GARRE1: variants seen among roughly 807,000 people sequenced by gnomAD.
GARRE1 encodes the protein granule associated Rac and RHOG effector 1.
A neutral mutation model predicts 103.2 loss-of-function variants in GARRE1; 49 were observed. The ratio of observed to expected loss-of-function variants is 0.47; its 90% CI spans 0.38 to 0.60. The LOEUF (loss-of-function observed/expected upper bound fraction) is 0.60. Among genes scored for constraint, GARRE1 ranks in the 20% least tolerant of loss-of-function variants. GARRE1 has a pLI of 0.00. For synonymous variants in GARRE1, 505 were observed against 532.8 expected, an observed-to-expected ratio of 0.95 and a Z score of 0.72; for missense variants, 1,199 against 1,370.5, an observed-to-expected ratio of 0.87 and a Z score of 1.98.
intron 1 of GARRE1, among the ~76,000 whole-genome samples, chr19:34,280,359 T>A (rs1175732258): frequency 4.6e-5 from 7 of 152,238 alleles, no homozygotes; most frequent in Non-Finnish European, 1.0e-4. Context: ...GCTTATTAGC[T>A]GTTCGCATAT....
intron 1 of GARRE1, among the ~76,000 whole-genome samples, chr19:34,260,299 G>A (rs866711472): frequency 3.3e-5 from 5 of 152,148 alleles, no homozygotes; most frequent in South Asian, 2.1e-4. Context: ...GTGACAATGC[G>A]ATTGCATACT....
Position 34,333,768 on chromosome 19 carries a change from G to A in GARRE1, c.1328G>A (p.Gly443Asp). 1 of 1,610,418 alleles carries A rather than the reference G, an allele frequency of 6.2e-7. No individual in the cohort carries two copies. The highest frequency in any genetic ancestry group is 8.5e-7 in the Non-Finnish European group (1 of 1,177,588). Residue 443 changes from glycine (G) to aspartate (D), a missense_variant, in exon 8 of 14, where the codon GGC becomes GAC. By Grantham distance (94) the Gly-to-Asp change is moderately conservative (BLOSUM62 -1). Transcript: ENST00000299505. ...EAYAPQISLE[G>D]SRIVVQVPST... The stretch of plus-strand genomic sequence containing the variant: ...TATGCCCCCCAGATCAGTTTAGAAG[G>A]CTCTAGAATCGTGGTTCAAGTCCCA...
intron 10 of GARRE1, among the ~76,000 whole-genome samples, chr19:34,345,532 A>G (rs945351697): frequency 6.6e-6 from 1 of 152,144 alleles, no homozygotes; most frequent in Admixed American, 6.6e-5. Flanking sequence ...ATTGTGTCAT[A>G]TTTGAGGCCG....
At chr19:34,303,394 G>A (rs1400437055) in intron 2 of GARRE1, among the ~76,000 whole-genome samples, 1 of 152,152 alleles carries the variant, frequency 6.6e-6, no homozygotes, top group African/African-American at 2.4e-5. Context: ...AACTAACACT[G>A]CTTTGGGTTA....
At chr19:34,260,198 C>G (rs2073707773) in intron 1 of GARRE1, among the ~76,000 whole-genome samples, 1 of 152,202 alleles carries the variant, frequency 6.6e-6, no homozygotes, top group Non-Finnish European at 1.5e-5. Context: ...CCTCTGCCAA[C>G]AAAAAGTTTA....
At chr19:34,274,392 C>T (rs1033716978) in intron 1 of GARRE1, among the ~76,000 whole-genome samples, 7 of 151,574 alleles carry the variant, frequency 4.6e-5, no homozygotes, top group East Asian at 3.9e-4. Flanking sequence ...GCAACTAGAG[C>T]GAAACTCCGT....
chr19:34,354,099 T>A lies in GARRE1; in HGVS notation c.*1144T>A, dbSNP rs1179115238. The A allele has an allele frequency of 6.6e-6, 1 of 152,586 alleles. No individual in the cohort carries two copies. Among genetic ancestry groups the A allele is most frequent in the African/African-American group, 2.4e-5 (1 of 41,448 alleles). The allele number at this position is 152,586 out of a possible 1,614,324, so 9.5% of individuals were successfully genotyped here. A position where few individuals can be genotyped will look rare whatever the true frequency, so the allele number is the denominator to read the frequency against. ...TAGACATATCCCACTGTATATTAAT[T>A]GAGGTTACAGAAAGTTCTTTATATA... On this transcript the variant is annotated 3_prime_UTR_variant, in exon 14 of 14. Coordinates refer to ENST00000299505, the MANE Select transcript of GARRE1 (RefSeq NM_014686.5).
intron 2 of GARRE1, among the ~76,000 whole-genome samples, chr19:34,308,845 G>T (rs889805651): frequency 1.3e-5 from 2 of 152,138 alleles, no homozygotes; most frequent in Non-Finnish European, 2.9e-5. Context: ...TCTCCACTTT[G>T]CAGACTGTGA....
At chr19:34,342,578 C>T in intron 10 of GARRE1, 123 bp downstream of exon 10, 1 of 879,308 alleles carries the variant, frequency 1.1e-6, no homozygotes. Context: ...CCCTTTACGA[C>T]CCTTTCTCAC....
chr19:34,296,400 C>A (rs2073947823), intron 1 of GARRE1: 2 of 1,532,022 alleles, frequency 1.3e-6, no homozygotes, highest in East Asian at 2.2e-5. Context: ...CAGCCTGAGT[C>A]CCTTGGCAGT....
chr19:34,270,958 G>T (rs1313218761), intron 1 of GARRE1, among the ~76,000 whole-genome samples: 1 of 152,108 alleles, frequency 6.6e-6, no homozygotes, highest in African/African-American at 2.4e-5. Context: ...ACTTGCCCAG[G>T]GTGACAACCA....
intron 2 of GARRE1, among the ~76,000 whole-genome samples, chr19:34,306,007 C>G (rs559381403): frequency 6.6e-6 from 1 of 152,164 alleles, no homozygotes. Context: ...GCAGACTTCA[C>G]GTTTCACTTT....
intron 1 of GARRE1, among the ~76,000 whole-genome samples, chr19:34,271,223 A>G (rs1406088372): frequency 6.7e-6 from 1 of 148,300 alleles, no homozygotes; most frequent in Non-Finnish European, 1.5e-5. Flanking sequence ...GCTAGTGTTC[A>G]GGTATACCTT....
chr19:34,345,081 G>A lies in GARRE1; in HGVS notation c.2521+2626G>A, dbSNP rs530555107. Among the ~76,000 whole-genome samples the A allele has an allele frequency of 4.6e-5, 7 of 152,102 alleles. No homozygotes were observed. The South Asian group carries it at 1.5e-3, about 32-fold the overall frequency. ...TCTCTATCTCCTGACCTCGTGATCC[G>A]CCCACCTCGGCCTCCCAAAGTGCTG... On this transcript the variant is annotated intron_variant, in intron 10 of 13. Coordinates refer to ENST00000299505, the MANE Select transcript of GARRE1 (RefSeq NM_014686.5).
At chr19:34,348,745 A>G (rs868539382) in intron 11 of GARRE1, 5 of 420,816 alleles carry the variant, frequency 1.2e-5, no homozygotes, top group African/African-American at 2.0e-5. Context: ...TCCATTAGCT[A>G]TTCTTCCCCA....
chr19:34,349,376 G>C (rs1460550426), intron 12 of GARRE1, among the ~76,000 whole-genome samples: 2 of 152,110 alleles, frequency 1.3e-5, no homozygotes, highest in African/African-American at 4.8e-5. Flanking sequence ...TTTGGGAGAC[G>C]GGGTGGCCGG....
intron 1 of GARRE1, among the ~76,000 whole-genome samples, chr19:34,257,893 CTT>C (rs113179571): frequency 9.9e-5 from 12 of 121,132 alleles, no homozygotes; most frequent in Admixed American, 2.4e-4. Context: ...TCTTTTTTTT[CTT>C]TTTTTTTTTT....
chr19:34,309,262 G>C (rs1296999764), intron 2 of GARRE1, among the ~76,000 whole-genome samples: 1 of 152,074 alleles, frequency 6.6e-6, no homozygotes, highest in African/African-American at 2.4e-5. Flanking sequence ...AGCATTAAAA[G>C]AAATTACACA....
chr19:34,295,080 T>C (rs2073940056), intron 1 of GARRE1, among the ~76,000 whole-genome samples: 1 of 152,130 alleles, frequency 6.6e-6, no homozygotes, highest in Non-Finnish European at 1.5e-5. Context: ...TATTTGCAAA[T>C]GGGGTATTTT....
Sources: allele counts gnomAD v4.1 joint callset (sites outside exome capture counted in the v4.1 genomes callset), GRCh38; gene constraint gnomAD v4.1.1; transcripts MANE v1.5; gene names NCBI Gene and HGNC (gene_info 2026-07-23, HGNC 2026-07-21).